RB1: variants seen among roughly 807,000 people sequenced by gnomAD.
RB1 encodes the protein RB transcriptional corepressor 1, also known as retinoblastoma-associated protein.
RB1 carries 18 observed loss-of-function variants against 135.4 expected under a neutral mutation model. The observed-to-expected ratio is 0.13, with a 90% confidence interval of 0.09 to 0.20. The LOEUF (loss-of-function observed/expected upper bound fraction) is 0.20. RB1 is among the 10% of genes least tolerant of loss of function. The pLI is 1.00. For synonymous variants in RB1, 365 were observed against 373.2 expected (o/e 0.98, Z 0.25); for missense variants, 868 against 1,110.0 (o/e 0.78, Z 3.10).
chr13:48,365,316 T>C (rs1952683903), intron 9 of RB1, among the ~76,000 whole-genome samples: 1 of 152,206 alleles, frequency 6.6e-6, no homozygotes, highest in Admixed American at 6.5e-5. Context: ...GTAAGCCTCA[T>C]TAAGCGTAGG....
chr13:48,311,396 G>A (rs1952129412), intron 2 of RB1, among the ~76,000 whole-genome samples: 1 of 152,188 alleles, frequency 6.6e-6, no homozygotes, highest in Non-Finnish European at 1.5e-5. Flanking sequence ...TTTCATCGTT[G>A]TGTGAACATC....
chr13:48,364,450 C>A (rs567797877), intron 8 of RB1, among the ~76,000 whole-genome samples: 44 of 152,204 alleles, frequency 2.9e-4, no homozygotes, highest in African/African-American at 1.0e-3. Flanking sequence ...CTAATATTTT[C>A]TTTTCTCTAT....
chr13:48,355,695 A>G (rs1345260101), intron 6 of RB1, among the ~76,000 whole-genome samples: 1 of 152,156 alleles, frequency 6.6e-6, no homozygotes, highest in African/African-American at 2.4e-5. Flanking sequence ...ATGAATGGAT[A>G]AAGAAAATAT....
At chr13:48,390,802 A>G (rs1205957299) in intron 17 of RB1, among the ~76,000 whole-genome samples, 1 of 152,212 alleles carries the variant, frequency 6.6e-6, no homozygotes, top group Admixed American at 6.5e-5. Flanking sequence ...CATTAATATC[A>G]ACATGGCATA....
At chr13:48,413,545 CAG>C (rs1160602619) in intron 17 of RB1, among the ~76,000 whole-genome samples, 4 of 152,078 alleles carry the variant, frequency 2.6e-5, no homozygotes. Context: ...GACTATGAAA[CAG>C]GGGCCTTTAA....
intron 2 of RB1, among the ~76,000 whole-genome samples, chr13:48,308,950 G>A (rs2138037161): frequency 6.6e-6 from 1 of 151,890 alleles, no homozygotes; most frequent in South Asian, 2.1e-4. Context: ...AAGTTTTTTT[G>A]TAATATAGTT....
intron 24 of RB1, among the ~76,000 whole-genome samples, chr13:48,474,967 C>T (rs896701279): frequency 2.6e-5 from 4 of 152,064 alleles, no homozygotes; most frequent in African/African-American, 9.7e-5. Flanking sequence ...TCAAACTCCT[C>T]GGCCCAAGCA....
At chr13:48,434,716 C>T (rs1489959312) in intron 17 of RB1, among the ~76,000 whole-genome samples, 1 of 152,172 alleles carries the variant, frequency 6.6e-6, no homozygotes, top group African/African-American at 2.4e-5. Flanking sequence ...CAATTGCACC[C>T]ATATCCCTCC....
intron 26 of RB1, 94 bp from the exon 27 acceptor site, chr13:48,479,904 C>T: frequency 1.1e-6 from 1 of 937,322 alleles, no homozygotes. Flanking sequence ...TCCTGAGCGC[C>T]ATCAGTTTGA....
chr13:48,320,514 T>C (rs1952225593), intron 2 of RB1: 2 of 586,546 alleles, frequency 3.4e-6, no homozygotes, highest in Non-Finnish European at 6.0e-6. Context: ...GACGACGCTT[T>C]ATTTCTCTGC....
intron 6 of RB1, among the ~76,000 whole-genome samples, chr13:48,351,798 T>G (rs1280887076): frequency 1.3e-5 from 2 of 151,960 alleles, no homozygotes; most frequent in African/African-American, 4.8e-5. Flanking sequence ...CTCAGCCTCC[T>G]GAGTAACTGG....
At chr13:48,332,562 C>A (rs1952347048) in intron 2 of RB1, among the ~76,000 whole-genome samples, 1 of 152,102 alleles carries the variant, frequency 6.6e-6, no homozygotes, top group African/African-American at 2.4e-5. Context: ...CAGAGTGAGA[C>A]CCTGTCATGA....
At chr13:48,311,046 G>T (rs1233957201) in intron 2 of RB1, among the ~76,000 whole-genome samples, 2 of 152,084 alleles carry the variant, frequency 1.3e-5, no homozygotes, top group African/African-American at 4.8e-5. Context: ...TTGGTAGTAT[G>T]GTAGAATGGA....
chr13:48,450,342 A>G (rs972007663), intron 17 of RB1, among the ~76,000 whole-genome samples: 2 of 152,232 alleles, frequency 1.3e-5, no homozygotes. Flanking sequence ...AATTTTCTGC[A>G]TATGACTAGC....
rs768351559 is a variant in RB1 at position 48,479,994 on chromosome 13, C to T, written c.2714-4C>T. 2 of 1,611,832 alleles carry T rather than the reference C, an allele frequency of 1.2e-6. No individual in the cohort carries two copies. The highest frequency in any genetic ancestry group is 1.7e-6 in the Non-Finnish European group (2 of 1,178,394). On this transcript the variant is annotated splice_region_variant and splice_polypyrimidine_tract_variant and intron_variant, in intron 26 of 26. Coordinates refer to ENST00000267163, the MANE Select transcript of RB1 (RefSeq NM_000321.3). ...CTGTTAACAGTTCTTCATCCTTTTT[C>T]CAGCTTCTACTCGAACACGAATGCA... is the stretch of plus-strand genomic sequence containing the variant.
intron 11 of RB1, among the ~76,000 whole-genome samples, chr13:48,372,650 CA>C (rs60724332): frequency 6.1e-4 from 79 of 128,936 alleles, no homozygotes; most frequent in South Asian, 9.7e-4. Flanking sequence ...GGCTCCTTCT[CA>C]AAAAAAAAAA....
chr13:48,453,138 C>G (rs777108789), intron 18 of RB1, 27 bp downstream of exon 18: 12 of 1,585,680 alleles, frequency 7.6e-6, no homozygotes, highest in Non-Finnish European at 1.0e-5. Context: ...TTATGTTGAC[C>G]ATTCAAACTG....
At chr13:48,342,339 G>A (rs1277508677) in intron 2 of RB1, among the ~76,000 whole-genome samples, 1 of 151,466 alleles carries the variant, frequency 6.6e-6, no homozygotes, top group Non-Finnish European at 1.5e-5. Flanking sequence ...GACCCCTAAA[G>A]TTTCCACAAT....
chr13:48,367,579 C>T lies in RB1; in HGVS notation c.1025C>T (p.Thr342Ile). 1 of 1,604,300 alleles carries T rather than the reference C, an allele frequency of 6.2e-7. No individual in the cohort carries two copies. Among genetic ancestry groups the T allele is most frequent in the Non-Finnish European group, 8.5e-7 (1 of 1,173,922 alleles). Residue 342 changes from threonine to isoleucine, a missense_variant, in exon 10 of 27, where the codon ACT (threonine) becomes ATT (isoleucine). By Grantham distance (89) the Thr-to-Ile change is moderately conservative (BLOSUM62 -1). Coordinates refer to ENST00000267163, the MANE Select transcript of RB1 (RefSeq NM_000321.3). ...DARLFLDHDK[T>I]LQTDSIDSFE... ...AGATTATTTTTGGATCATGATAAAA[C>T]TCTTCAGACTGATTCTATAGACAGG...
Sources: allele counts gnomAD v4.1 joint callset (sites outside exome capture counted in the v4.1 genomes callset), GRCh38; gene constraint gnomAD v4.1.1; transcripts MANE v1.5; gene names NCBI Gene and HGNC (gene_info 2026-07-23, HGNC 2026-07-21).